MIPEP: variants seen among roughly 807,000 people sequenced by gnomAD.
MIPEP encodes the protein mitochondrial intermediate peptidase.
MIPEP carries 79 observed loss-of-function variants against 90.3 expected under a neutral mutation model. That is an observed-to-expected ratio of 0.87 (90% CI 0.73 to 1.05). The LOEUF is 1.05. Ranked by LOEUF, MIPEP falls within the 50% of genes least tolerant of loss-of-function variation. MIPEP has a pLI of 0.00. For missense variants in MIPEP, 940 were observed against 905.6 expected (o/e 1.04, Z -0.49); for synonymous variants, 334 against 315.8 (o/e 1.06, Z -0.61).
At chr13:23,822,688 T>C (rs140314461) in intron 14 of MIPEP, among the ~76,000 whole-genome samples, 5 of 152,278 alleles carry the variant, frequency 3.3e-5, no homozygotes, top group Admixed American at 6.5e-5. Context: ...CTATTGTTTG[T>C]TAATGCCAGA....
intron 16 of MIPEP, among the ~76,000 whole-genome samples, chr13:23,803,393 A>C (rs1953069900): frequency 6.6e-6 from 1 of 152,040 alleles, no homozygotes; most frequent in African/African-American, 2.4e-5. Flanking sequence ...AACAACAAAA[A>C]CACTATCAAA....
Position 23,848,486 on chromosome 13 carries a change from C to A in MIPEP, c.1107-6998G>T, listed in dbSNP as rs80353152. 1.5e-3 allele frequency among the ~76,000 whole-genome samples: 223 copies of A among 152,290 alleles called. 1 individual carries two copies. Among genetic ancestry groups the A allele is most frequent in the African/African-American group, 5.0e-3 (209 of 41,562 alleles). The stretch of plus-strand genomic sequence containing the variant: ...GTGTGGAAAGATGAACACATTGTAA[C>A]AATAATGACGACCAATCCAAATGAT... On this transcript the variant is annotated intron_variant, in intron 10 of 18. Transcript: ENST00000382172.
chr13:23,819,619 A>C (rs1294023840), intron 14 of MIPEP, among the ~76,000 whole-genome samples: 3 of 152,134 alleles, frequency 2.0e-5, no homozygotes, highest in African/African-American at 7.2e-5. Context: ...AAAACATCTA[A>C]TCCCGAAGTT....
intron 14 of MIPEP, among the ~76,000 whole-genome samples, chr13:23,823,825 C>G (rs943370090): frequency 6.6e-6 from 1 of 152,122 alleles, no homozygotes; most frequent in Non-Finnish European, 1.5e-5. Context: ...GAGACCCTGT[C>G]CCTCTCTCAC....
At chr13:23,830,311 G>T (rs1241996157) in intron 14 of MIPEP, among the ~76,000 whole-genome samples, 3 of 152,098 alleles carry the variant, frequency 2.0e-5, no homozygotes, top group African/African-American at 7.2e-5. Flanking sequence ...TTAAATAACA[G>T]AAGATTATAA....
intron 17 of MIPEP, among the ~76,000 whole-genome samples, chr13:23,759,617 C>T (rs1298640619): frequency 6.6e-6 from 1 of 152,170 alleles, no homozygotes; most frequent in Non-Finnish European, 1.5e-5. Flanking sequence ...TAACCACTAC[C>T]TGGCCTTTAG....
chr13:23,833,884 G>A (rs368416116), intron 14 of MIPEP, among the ~76,000 whole-genome samples: 1 of 152,108 alleles, frequency 6.6e-6, no homozygotes, highest in Non-Finnish European at 1.5e-5. Flanking sequence ...GGCCACCTCC[G>A]AAACCTCAGA....
At chr13:23,872,727 G>A (rs1288650932) in intron 5 of MIPEP, among the ~76,000 whole-genome samples, 2 of 152,118 alleles carry the variant, frequency 1.3e-5, no homozygotes, top group Non-Finnish European at 2.9e-5. Context: ...GAGCTACACT[G>A]TAATCATATG....
intron 10 of MIPEP, among the ~76,000 whole-genome samples, chr13:23,857,846 C>A (rs1438333366): frequency 4.6e-5 from 7 of 152,116 alleles, no homozygotes. Flanking sequence ...AATAATTAAG[C>A]AAATACTTCT....
chr13:23,800,196 T>C (rs773937824), intron 16 of MIPEP, among the ~76,000 whole-genome samples: 2 of 152,130 alleles, frequency 1.3e-5, no homozygotes, highest in Admixed American at 6.5e-5. Context: ...AAATACACAT[T>C]AGAACAGAGT....
intron 14 of MIPEP, among the ~76,000 whole-genome samples, chr13:23,811,929 C>A (rs1953175613): frequency 6.6e-6 from 1 of 152,010 alleles, no homozygotes; most frequent in South Asian, 2.1e-4. Context: ...CTGTTTTCCA[C>A]TTAGCTGGCC....
At chr13:23,745,978 T>A (rs1952378875) in intron 18 of MIPEP, among the ~76,000 whole-genome samples, 1 of 150,100 alleles carries the variant, frequency 6.7e-6, no homozygotes, top group Non-Finnish European at 1.5e-5. Flanking sequence ...GGATACAACA[T>A]CTGCTTCTGT....
At chr13:23,819,604 A>T (rs536948304) in intron 14 of MIPEP, among the ~76,000 whole-genome samples, 32 of 152,200 alleles carry the variant, frequency 2.1e-4, no homozygotes, top group Non-Finnish European at 3.7e-4. Flanking sequence ...AAAATTCTGA[A>T]TTCCAAAACA....
chr13:23,826,177 T>C lies in MIPEP; in HGVS notation c.1653+10063A>G, dbSNP rs188117163. Among the ~76,000 whole-genome samples, 18 of 152,260 alleles carry C rather than the reference T, an allele frequency of 1.2e-4. No individual in the cohort carries two copies. In the Middle Eastern group the frequency reaches 0.014, roughly 115 times the overall value. On this transcript the variant is annotated intron_variant, in intron 14 of 18. Transcript: ENST00000382172. The stretch of plus-strand genomic sequence containing the variant: ...ATGCTTTTATGCATCTAATAAAATA[T>C]TCTCAAAATATAGAGAGCAAAAATG...
rs553511890 is a variant in MIPEP, at chr13:23,747,245, C to T, written c.2044+9300G>A. On this transcript the variant is annotated intron_variant, in intron 18 of 18. Transcript: ENST00000382172. The stretch of plus-strand genomic sequence containing the variant: ...TGGCACATTTTCACTCTGTCATTGT[C>T]CCTTTGCCTTTCCTGCATGGAGAAT... 2.0e-4 allele frequency among the ~76,000 whole-genome samples: 30 copies of T among 152,296 alleles called. 1 individual carries two copies. Among genetic ancestry groups the T allele is most frequent in the Admixed American group, 1.9e-3 (29 of 15,294 alleles).
chr13:23,850,078 G>A (rs1326321926), intron 10 of MIPEP, among the ~76,000 whole-genome samples: 1 of 152,218 alleles, frequency 6.6e-6, no homozygotes, highest in Non-Finnish European at 1.5e-5. Flanking sequence ...ACAGAGGCTT[G>A]TTACAGAATG....
chr13:23,842,578 G>C (rs1869347491), intron 10 of MIPEP: 1 of 152,228 alleles, frequency 6.6e-6, no homozygotes, highest in African/African-American at 2.4e-5. Flanking sequence ...TGCTGGAAGA[G>C]AAGAATGAAG....
At chr13:23,843,556 A>G (rs1328003922) in intron 10 of MIPEP, among the ~76,000 whole-genome samples, 2 of 152,376 alleles carry the variant, frequency 1.3e-5, no homozygotes, top group South Asian at 2.1e-4. Flanking sequence ...AAATATACAT[A>G]GAATTTCTAA....
At chr13:23,826,664 G>A (rs1868463335) in intron 14 of MIPEP, among the ~76,000 whole-genome samples, 1 of 152,066 alleles carries the variant, frequency 6.6e-6, no homozygotes, top group Non-Finnish European at 1.5e-5. Context: ...AATATTTAAA[G>A]CATTAAAATT....
Sources: gnomAD v4.1 joint callset for allele counts (sites outside exome capture counted in the v4.1 genomes callset) on GRCh38, gnomAD v4.1.1 for gene constraint, MANE v1.5 for transcripts, NCBI Gene and HGNC (gene_info 2026-07-23, HGNC 2026-07-21) for gene names.